ARHGEF7: variants seen among roughly 807,000 people sequenced by gnomAD.
The protein encoded by ARHGEF7 is PAK-interacting exchange factor beta.
A neutral mutation model predicts 109.8 loss-of-function variants in ARHGEF7; 33 were observed. The observed-to-expected ratio is 0.30, with a 90% CI of 0.23 to 0.40. ARHGEF7 has a LOEUF of 0.40. ARHGEF7 is among the 10% of genes least tolerant of loss of function. The pLI is 1.00. For synonymous variants in ARHGEF7, 458 were observed against 424.6 expected (o/e 1.08, Z -0.97); for missense variants, 938 against 1,098.5 (o/e 0.85, Z 2.07).
chr13:111,272,876 A>T lies in ARHGEF7; in HGVS notation c.1074-938A>T, dbSNP rs558993074. Among the ~76,000 whole-genome samples, 1 of 152,254 alleles carries T rather than the reference A, an allele frequency of 6.6e-6. No individual in the cohort carries two copies. The highest frequency in any genetic ancestry group is 1.5e-5 in the Non-Finnish European group (1 of 68,008). ...CGGTCAGGTGACTGTCAGCCTTAAC[A>T]AACGTGTGGGTGAAGAGCTGGACCC... On this transcript the variant is annotated intron_variant, in intron 9 of 21. Coordinates refer to ENST00000646102, the MANE Select transcript of ARHGEF7 (RefSeq NM_001354046.2). This position sits in a 1 kb window ranked among gnomAD's most constrained non-coding sequence, Gnocchi z 5.2.
At position 111,277,685 on chromosome 13, in the gene ARHGEF7, T is replaced by C. The variant is rs761151874; in HGVS notation, c.1506+12T>C. On this transcript the variant is annotated intron_variant, in intron 13 of 21. Transcript: ENST00000646102. ...GCTTTATCTATCAGGTAAAACACAATTTAAATTTATATTTTATTGTGGATC... is the reference window on the plus strand; with the variant it reads ...GCTTTATCTATCAGGTAAAACACAACTTAAATTTATATTTTATTGTGGATC... 14 of 1,529,144 alleles carry C rather than the reference T, an allele frequency of 9.2e-6. No homozygotes were observed. Among genetic ancestry groups the C allele is most frequent in the Non-Finnish European group, 1.3e-5 (14 of 1,109,302 alleles). 94.7% of individuals were successfully genotyped at this position (1,529,144 alleles called of 1,614,324 possible). A position where few individuals can be genotyped will look rare whatever the true frequency, so the allele number is the denominator to read the frequency against.
intron 2 of ARHGEF7, among the ~76,000 whole-genome samples, chr13:111,167,724 C>G (rs1482238170): frequency 1.3e-5 from 2 of 152,226 alleles, no homozygotes; most frequent in African/African-American, 4.8e-5. Context: ...TACCCTAACC[C>G]TGCTTCCTGC....
At chr13:111,132,040 G>A (rs1227978991) in intron 1 of ARHGEF7, among the ~76,000 whole-genome samples, 4 of 152,314 alleles carry the variant, frequency 2.6e-5, no homozygotes, top group South Asian at 2.1e-4. Context: ...GGAACTGAGC[G>A]GGAGATTAGG....
intron 19 of ARHGEF7, chr13:111,292,589 T>C (rs2093323909): frequency 3.1e-6 from 4 of 1,289,882 alleles, no homozygotes; most frequent in Non-Finnish European, 2.0e-6. Context: ...AGTTGTTGTT[T>C]TATAGCTCCA....
At position 111,258,091 on chromosome 13, in the gene ARHGEF7, G is replaced by A. The variant is rs189386822; in HGVS notation, c.951-9457G>A. 1.1e-4 allele frequency among the ~76,000 whole-genome samples: 16 copies of A among 152,350 alleles called. No individual in the cohort carries two copies. The East Asian group carries it at 3.1e-3, about 29-fold the overall frequency. On this transcript the variant is annotated intron_variant, in intron 8 of 21. Transcript: ENST00000646102. This position sits in a 1 kb window ranked among gnomAD's most constrained non-coding sequence, Gnocchi z 4.4. ...GCAACCTAGTGAGACCTCAGCCGGG[G>A]CAGCCAAGGGAGGCCTTGCACCACC... is the stretch of plus-strand genomic sequence containing the variant.
chr13:111,220,068 C>A (rs2083631422), intron 5 of ARHGEF7, among the ~76,000 whole-genome samples: 1 of 152,234 alleles, frequency 6.6e-6, no homozygotes, highest in South Asian at 2.1e-4. Flanking sequence ...TTCCTGGAGA[C>A]CTAGGGCTAG....
intron 1 of ARHGEF7, among the ~76,000 whole-genome samples, chr13:111,136,341 G>T (rs1409628618): frequency 6.6e-6 from 1 of 151,536 alleles, no homozygotes; most frequent in Non-Finnish European, 1.5e-5. Context: ...CACATAGTTG[G>T]AAGTAAAGCA....
intron 5 of ARHGEF7, among the ~76,000 whole-genome samples, chr13:111,221,522 T>TAGA (rs1566876060): frequency 0.22 from 7,914 of 35,430 alleles, 1,627 homozygotes; most frequent in South Asian, 0.31. Flanking sequence ...TAGATATATA[T>TAGA]CTATATATAT....
At position 111,244,269 on chromosome 13, in the gene ARHGEF7, G is replaced by C. The variant is rs752939884; in HGVS notation, c.925G>C (p.Val309Leu). Residue 309 changes from valine to leucine, a missense_variant, in exon 8 of 22, where the codon GTA becomes CTA. Transcript: ENST00000646102. ...EEICSFQQML[V>L]QSLEECTKLP... The stretch of plus-strand genomic sequence containing the variant: ...AATATGTTCTTTCCAGCAAATGCTC[G>C]TACAGTCTTTAGAAGAATGCACCAA... 1.2e-6 allele frequency: 2 copies of C among 1,607,906 alleles called. No individual in the cohort carries two copies. Among genetic ancestry groups the C allele is most frequent in the Non-Finnish European group, 8.5e-7 (1 of 1,177,280 alleles).
chr13:111,296,210 A>G (rs139856204), intron 19 of ARHGEF7, among the ~76,000 whole-genome samples: 2 of 151,002 alleles, frequency 1.3e-5, no homozygotes, highest in Admixed American at 1.3e-4. Flanking sequence ...TGTTTCTTAA[A>G]CGAAGTTCCA....
chr13:111,301,356 A>G, intron 20 of ARHGEF7, 122 bp from the exon 21 acceptor site: 2 of 815,236 alleles, frequency 2.5e-6, no homozygotes, highest in Non-Finnish European at 4.1e-6. Flanking sequence ...TAGACAGTAC[A>G]TGGGTAAGGC....
At chr13:111,173,585 C>G (rs2077803468) in intron 2 of ARHGEF7, among the ~76,000 whole-genome samples, 1 of 152,246 alleles carries the variant, frequency 6.6e-6, no homozygotes, top group Non-Finnish European at 1.5e-5. Context: ...GATTGGAAGC[C>G]TGTGAAATTT....
At chr13:111,149,756 C>A (rs896764199) in intron 1 of ARHGEF7, among the ~76,000 whole-genome samples, 1 of 152,180 alleles carries the variant, frequency 6.6e-6, no homozygotes, top group African/African-American at 2.4e-5. Context: ...CACATGCACA[C>A]AATACACATA....
chr13:111,244,314 T>G lies in ARHGEF7; in HGVS notation c.950+20T>G, dbSNP rs2088376880. 6 of 1,466,528 alleles carry G rather than the reference T, an allele frequency of 4.1e-6. No homozygotes were observed. The highest frequency in any genetic ancestry group is 5.6e-6 in the Non-Finnish European group (6 of 1,064,018). The allele number at this position is 1,466,528 out of a possible 1,614,324, so 90.8% of individuals were successfully genotyped here. On this transcript the variant is annotated intron_variant, in intron 8 of 21. Coordinates refer to ENST00000646102, the MANE Select transcript of ARHGEF7 (RefSeq NM_001354046.2). ...CACCAAGTAAGTAAGATGCTAAAAA[T>G]TTGCAACACTCAGGTTGGTATAATT...
chr13:111,303,181 C>CA lies in ARHGEF7; in HGVS notation c.*68_*69insA. 1.5e-6 allele frequency: 1 copy of CA among 673,276 alleles called. No homozygotes were observed. The highest frequency in any genetic ancestry group is 2.4e-6 in the Non-Finnish European group (1 of 412,104). 41.7% of individuals were successfully genotyped at this position (673,276 alleles called of 1,614,324 possible). A position where few individuals can be genotyped will look rare whatever the true frequency, so the allele number is the denominator to read the frequency against. ...GAAGCTGGGCACCCCTGACCCAAGT[C>CA]GGGGTGCACTCAGGACCACAGGGCA... On this transcript the variant is annotated 3_prime_UTR_variant, in exon 22 of 22. Coordinates refer to ENST00000646102, the MANE Select transcript of ARHGEF7 (RefSeq NM_001354046.2).
At chr13:111,173,802 CAG>C (rs542340151) in intron 2 of ARHGEF7, among the ~76,000 whole-genome samples, 17 of 151,528 alleles carry the variant, frequency 1.1e-4, no homozygotes, top group East Asian at 7.8e-4. Flanking sequence ...GTTGGGAGGT[CAG>C]GGGGTGGGTG....
At position 111,239,395 on chromosome 13, in the gene ARHGEF7, G is replaced by T. The variant is rs956445970; in HGVS notation, c.760-4477G>T. On this transcript the variant is annotated intron_variant, in intron 6 of 21. Coordinates refer to ENST00000646102, the MANE Select transcript of ARHGEF7 (RefSeq NM_001354046.2). This position sits in a 1 kb window ranked among gnomAD's most constrained non-coding sequence, Gnocchi z 4.3. ...GCCTTTCCTGTGCTCCAGAGAAGCC[G>T]CACACCTGTCTTTTCCTCCCTGCTC... Among the ~76,000 whole-genome samples the T allele has an allele frequency of 6.6e-6, 1 of 152,128 alleles. No individual in the cohort carries two copies. Among genetic ancestry groups the T allele is most frequent in the Non-Finnish European group, 1.5e-5 (1 of 68,026 alleles).
At chr13:111,139,608 C>T (rs891026216) in intron 1 of ARHGEF7, among the ~76,000 whole-genome samples, 4 of 150,670 alleles carry the variant, frequency 2.7e-5, no homozygotes, top group East Asian at 2.0e-4. Flanking sequence ...GGAGCACTGG[C>T]GGGTGCCTGC....
chr13:111,265,820 G>A (rs2091579712), intron 8 of ARHGEF7: 1 of 436,958 alleles, frequency 2.3e-6, no homozygotes, highest in South Asian at 1.6e-5. Flanking sequence ...CTGTGAGGAT[G>A]CAATAGGGGA....
Sources: gnomAD v4.1 joint callset for allele counts (sites outside exome capture counted in the v4.1 genomes callset) on GRCh38, gnomAD v4.1.1 for gene constraint, Gnocchi (gnomAD v3.1) non-coding constraint, MANE v1.5 for transcripts, NCBI Gene and HGNC (gene_info 2026-07-23, HGNC 2026-07-21) for gene names.